Variants in BRD7 observed in about 807,000 individuals in gnomAD.
The protein encoded by BRD7 is bromodomain-containing protein 7.
In BRD7, 15 loss-of-function variants were observed where a neutral mutation model predicts 82.1. That is an observed-to-expected ratio of 0.18 (90% CI 0.12 to 0.28). BRD7 has a LOEUF of 0.28. Among genes scored for constraint, BRD7 ranks in the 10% least tolerant of loss-of-function variants. The pLI is 1.00. For missense variants in BRD7, 638 were observed against 779.9 expected (o/e 0.82, Z 2.17); for synonymous variants, 232 against 266.9 (o/e 0.87, Z 1.27).
chr16:50,323,398 CAG>C (rs796110870), intron 12 of BRD7, among the ~76,000 whole-genome samples, 187 bp downstream of exon 12: 10 of 152,334 alleles, frequency 6.6e-5, no homozygotes, highest in African/African-American at 2.4e-4. Flanking sequence ...CAGGCCCTCA[CAG>C]ATCCTGGTAG....
At chr16:50,359,806 T>C (rs1026088446) in intron 2 of BRD7, among the ~76,000 whole-genome samples, 1 of 151,738 alleles carries the variant, frequency 6.6e-6, no homozygotes, top group Non-Finnish European at 1.5e-5. Flanking sequence ...AAGGTTTCCA[T>C]GAGGAAGTAA....
intron 2 of BRD7, among the ~76,000 whole-genome samples, chr16:50,360,554 C>T (rs979888962): frequency 1.3e-5 from 2 of 152,160 alleles, no homozygotes; most frequent in African/African-American, 2.4e-5. Flanking sequence ...GGCAGAATGA[C>T]GCATACCTTT....
intron 2 of BRD7, among the ~76,000 whole-genome samples, chr16:50,365,908 T>A: frequency 6.6e-6 from 1 of 152,038 alleles, no homozygotes; most frequent in East Asian, 1.9e-4. Flanking sequence ...AACACAGGAA[T>A]ACTTCAAGCA....
rs1018786313 is a variant in BRD7 at position 50,352,652 on chromosome 16, C to T, written c.446+1773G>A. On this transcript the variant is annotated intron_variant, in intron 4 of 16. Coordinates refer to ENST00000394688, the MANE Select transcript of BRD7 (RefSeq NM_013263.5). ...ATGGCTATACTAATTTACATTTCCA[C>T]CAACAGTATATACAATTTCCCTTTC... is the stretch of plus-strand genomic sequence containing the variant. 2.7e-5 allele frequency among the ~76,000 whole-genome samples: 4 copies of T among 150,856 alleles called. No individual in the cohort carries two copies. The East Asian group carries it at 7.7e-4, about 29-fold the overall frequency.
chr16:50,342,406 T>C (rs2038102757), intron 5 of BRD7, among the ~76,000 whole-genome samples: 1 of 151,464 alleles, frequency 6.6e-6, no homozygotes, highest in South Asian at 2.1e-4. Flanking sequence ...TTCATAAATC[T>C]CTGCTTATCA....
intron 12 of BRD7, among the ~76,000 whole-genome samples, chr16:50,323,229 C>T (rs1285090237): frequency 6.6e-6 from 1 of 152,228 alleles, no homozygotes; most frequent in Non-Finnish European, 1.5e-5. Flanking sequence ...TATTACTGCA[C>T]GAGGAAAAGC....
chr16:50,340,190 A>T (rs1018383852), intron 5 of BRD7, 104 bp from the exon 6 acceptor site: 16 of 552,568 alleles, frequency 2.9e-5, no homozygotes, highest in African/African-American at 2.6e-4. Context: ...AAAAAGCAAC[A>T]TCCCTTTCTT....
rs2036829749 is a variant in BRD7 at position 50,317,006 on chromosome 16, C to T, written c.*2205G>A. ...GGTGACTGACCAGACTTGTTGGGGT[C>T]CTGGGATGAGTTGCCCCGGGCTGCA... On this transcript the variant is annotated 3_prime_UTR_variant, in exon 17 of 17. Transcript: ENST00000394688. 1 of 152,646 alleles carries T rather than the reference C, an allele frequency of 6.6e-6. No individual in the cohort carries two copies. The highest frequency in any genetic ancestry group is 1.5e-5 in the Non-Finnish European group (1 of 68,052). The allele number at this position is 152,646 out of a possible 1,614,324, so 9.5% of individuals were successfully genotyped here.
intron 5 of BRD7, among the ~76,000 whole-genome samples, chr16:50,341,928 T>TCTCACACA (rs780059612): frequency 0.031 from 4,464 of 143,626 alleles, 67 homozygotes; most frequent in African/African-American, 0.033. Flanking sequence ...TGCACACTTT[T>TCTCACACA]CACACACACA....
chr16:50,345,061 G>T (rs1336726567), intron 5 of BRD7, among the ~76,000 whole-genome samples: 1 of 152,220 alleles, frequency 6.6e-6, no homozygotes, highest in Non-Finnish European at 1.5e-5. Context: ...CAGACTAACA[G>T]CAGATCTCTC....
chr16:50,360,145 C>G (rs1376504981), intron 2 of BRD7, among the ~76,000 whole-genome samples: 1 of 152,214 alleles, frequency 6.6e-6, no homozygotes, highest in Non-Finnish European at 1.5e-5. Context: ...TACTGGAGCT[C>G]CCTCTGGACA....
intron 2 of BRD7, among the ~76,000 whole-genome samples, chr16:50,357,002 T>C (rs2038761543): frequency 6.6e-6 from 1 of 152,240 alleles, no homozygotes; most frequent in Non-Finnish European, 1.5e-5. Flanking sequence ...TCTCAAAGCA[T>C]GGTCACCAGA....
chr16:50,360,455 C>G (rs2038895948), intron 2 of BRD7, among the ~76,000 whole-genome samples: 1 of 152,218 alleles, frequency 6.6e-6, no homozygotes. Flanking sequence ...TACCTGGCAG[C>G]TGCACATCAT....
rs2151115663 is a variant in BRD7, at chr16:50,316,484, A to G, written c.*2727T>C. The G allele has an allele frequency of 6.6e-6, 1 of 152,504 alleles. No homozygotes were observed. The highest frequency in any genetic ancestry group is 2.4e-5 in the African/African-American group (1 of 41,588). The allele number at this position is 152,504 out of a possible 1,614,324, so 9.4% of individuals were successfully genotyped here. ...TACCAGAAAGGAATGGAGTCTGTTT[A>G]GAGACAACTTGGACAACCTGTGAGT... is the stretch of plus-strand genomic sequence containing the variant. On this transcript the variant is annotated 3_prime_UTR_variant, in exon 17 of 17. Transcript: ENST00000394688.
chr16:50,352,273 CT>C, intron 4 of BRD7, among the ~76,000 whole-genome samples: 1 of 152,356 alleles, frequency 6.6e-6, no homozygotes, highest in South Asian at 2.1e-4. Context: ...AATCATTACA[CT>C]TATGAACTAC....
chr16:50,356,529 T>G (rs1314581447), intron 2 of BRD7, among the ~76,000 whole-genome samples: 2 of 152,182 alleles, frequency 1.3e-5, no homozygotes, highest in Non-Finnish European at 2.9e-5. Flanking sequence ...ACAATTACTG[T>G]TACAAGCTAT....
intron 6 of BRD7, among the ~76,000 whole-genome samples, chr16:50,336,766 C>T (rs1023879518): frequency 2.6e-5 from 4 of 152,094 alleles, no homozygotes; most frequent in East Asian, 3.9e-4. Flanking sequence ...TTAAAAAACA[C>T]GACATGCACA....
intron 10 of BRD7, among the ~76,000 whole-genome samples, 185 bp from the exon 11 acceptor site, chr16:50,326,068 G>A (rs2037324979): frequency 6.6e-6 from 1 of 151,902 alleles, no homozygotes; most frequent in Non-Finnish European, 1.5e-5. Flanking sequence ...TTCCCTACAA[G>A]GGAGAGGGAG....
intron 2 of BRD7, 79 bp from the exon 3 acceptor site, chr16:50,355,001 A>G: frequency 6.8e-7 from 1 of 1,466,060 alleles, no homozygotes; most frequent in African/African-American, 1.4e-5. Flanking sequence ...TTAAGGGGTA[A>G]AAAGACATCA....
Sources: gnomAD v4.1 joint callset for allele counts (sites outside exome capture counted in the v4.1 genomes callset) on GRCh38, gnomAD v4.1.1 for gene constraint, MANE v1.5 for transcripts, NCBI Gene and HGNC (gene_info 2026-07-23, HGNC 2026-07-21) for gene names.